Variants in TYW1B observed in about 807,000 individuals in gnomAD.
The protein encoded by TYW1B is tRNA-yW synthesizing protein 1 homolog B.
In TYW1B, 73 loss-of-function variants were observed where a neutral mutation model predicts 86.9. The ratio of observed to expected loss-of-function variants is 0.84; its 90% CI spans 0.70 to 1.02. The LOEUF (loss-of-function observed/expected upper bound fraction) is 1.02. Among genes scored for constraint, TYW1B ranks in the 50% least tolerant of loss-of-function variants. The pLI is 0.00. For missense variants in TYW1B, 637 were observed against 827.4 expected (o/e 0.77, Z 2.82); for synonymous variants, 248 against 292.8 (o/e 0.85, Z 1.56).
At chr7:72,733,209 T>G (rs2960993) in intron 8 of TYW1B, among the ~76,000 whole-genome samples, 28 of 146,000 alleles carry the variant, frequency 1.9e-4, no homozygotes, top group Middle Eastern at 3.7e-3. Flanking sequence ...CCTCTCACAC[T>G]AATACTTTTC....
At chr7:72,800,842 G>A (rs1788392024) in intron 6 of TYW1B, among the ~76,000 whole-genome samples, 1 of 151,808 alleles carries the variant, frequency 6.6e-6, no homozygotes, top group South Asian at 2.1e-4. Context: ...CTAGATCTAG[G>A]AGGCTAGAGG....
intron 10 of TYW1B, among the ~76,000 whole-genome samples, chr7:72,707,547 TAACATG>T (rs1814643391): frequency 6.6e-6 from 1 of 152,246 alleles, no homozygotes. Flanking sequence ...CCAGGCCTAT[TAACATG>T]AAGTGTGTTA....
At chr7:72,582,440 T>C (rs141495643) in intron 13 of TYW1B, among the ~76,000 whole-genome samples, 10 of 152,306 alleles carry the variant, frequency 6.6e-5, no homozygotes, top group African/African-American at 2.4e-4. Context: ...AAAGGGGGAA[T>C]AGTTTCCAGC....
In TYW1B at chr7:72,620,490, G is replaced by T. The variant is rs547139966; in HGVS notation, c.1618-3651C>A. ...TCCTGAGTCAACCGCAAAGCCAGAG[G>T]CTGCACCGTGACAGAAATGCTCTGG... is the stretch of plus-strand genomic sequence containing the variant. On this transcript the variant is annotated intron_variant, in intron 12 of 13. Transcript: ENST00000620995. 2.6e-5 allele frequency among the ~76,000 whole-genome samples: 4 copies of T among 152,244 alleles called. No individual in the cohort carries two copies. In the East Asian group the frequency reaches 7.7e-4, roughly 29 times the overall value.
At chr7:72,670,141 T>C (rs1554446092) in intron 11 of TYW1B, among the ~76,000 whole-genome samples, 3 of 152,086 alleles carry the variant, frequency 2.0e-5, no homozygotes, top group East Asian at 1.9e-4. Flanking sequence ...TAAATAGTAA[T>C]AGCACTGACA....
chr7:72,785,982 G>A (rs1298695947), intron 6 of TYW1B, among the ~76,000 whole-genome samples: 7 of 152,018 alleles, frequency 4.6e-5, no homozygotes, highest in Non-Finnish European at 8.8e-5. Context: ...GCGTGGTGGC[G>A]GGCGCTATAA....
At chr7:72,826,712 CT>C (rs1457973028) in intron 2 of TYW1B, 142 bp downstream of exon 2, 6 of 1,128,802 alleles carry the variant, frequency 5.3e-6, no homozygotes, top group Non-Finnish European at 7.1e-6. Flanking sequence ...TCTCCAAAAA[CT>C]TAGAGAAGAA....
chr7:72,620,737 T>TCTCACC (rs1308513020), intron 12 of TYW1B, among the ~76,000 whole-genome samples: 4 of 152,066 alleles, frequency 2.6e-5, no homozygotes, highest in Admixed American at 1.3e-4. Flanking sequence ...TCTCACCCAC[T>TCTCACC]CTCACCCTCA....
chr7:72,629,808 G>T (rs1436783615), intron 11 of TYW1B, among the ~76,000 whole-genome samples: 1 of 152,032 alleles, frequency 6.6e-6, no homozygotes, highest in South Asian at 2.1e-4. Flanking sequence ...TGAGGCTTCC[G>T]AAGGGCTGGG....
intron 13 of TYW1B, among the ~76,000 whole-genome samples, chr7:72,593,574 G>C (rs1476079305): frequency 2.6e-5 from 4 of 152,056 alleles, no homozygotes; most frequent in African/African-American, 9.7e-5. Context: ...TGTAATCCCA[G>C]CACTTTGGGA....
intron 13 of TYW1B, among the ~76,000 whole-genome samples, chr7:72,603,396 C>T (rs1267800037): frequency 1.3e-5 from 2 of 151,908 alleles, no homozygotes; most frequent in East Asian, 1.9e-4. Flanking sequence ...GATGGATGCA[C>T]AGAAGGATGG....
At chr7:72,697,081 T>C (rs1365528897) in intron 10 of TYW1B, among the ~76,000 whole-genome samples, 3 of 149,644 alleles carry the variant, frequency 2.0e-5, no homozygotes, top group African/African-American at 7.4e-5. Flanking sequence ...TAATGGTTAC[T>C]GCTGGCTATC....
At chr7:72,757,938 G>A (rs1787620283) in intron 7 of TYW1B, among the ~76,000 whole-genome samples, 1 of 152,126 alleles carries the variant, frequency 6.6e-6, no homozygotes, top group Non-Finnish European at 1.5e-5. Flanking sequence ...CTTTATAGCT[G>A]GGTGTAGGCC....
intron 7 of TYW1B, among the ~76,000 whole-genome samples, chr7:72,762,410 A>G (rs1250442134): frequency 6.6e-6 from 1 of 152,010 alleles, no homozygotes; most frequent in Non-Finnish European, 1.5e-5. Context: ...GGCTGGGGTG[A>G]TAACTCTCTC....
chr7:72,724,647 T>A (rs1426623930), intron 9 of TYW1B, among the ~76,000 whole-genome samples: 1 of 152,102 alleles, frequency 6.6e-6, no homozygotes, highest in Non-Finnish European at 1.5e-5. Context: ...TATCAACCAG[T>A]TCCACTCTGA....
intron 9 of TYW1B, among the ~76,000 whole-genome samples, chr7:72,716,260 A>G (rs1257417000): frequency 1.3e-5 from 2 of 152,218 alleles, no homozygotes; most frequent in African/African-American, 4.8e-5. Flanking sequence ...TTTGAAACAT[A>G]ACTTTCTTAG....
At chr7:72,764,519 C>T (rs1787740077) in intron 7 of TYW1B, among the ~76,000 whole-genome samples, 2 of 152,166 alleles carry the variant, frequency 1.3e-5, no homozygotes, top group Non-Finnish European at 2.9e-5. Flanking sequence ...CTAACCTCGT[C>T]ATCCGCCCAC....
chr7:72,789,315 TA>T (rs1389300462), intron 6 of TYW1B, among the ~76,000 whole-genome samples: 4 of 152,016 alleles, frequency 2.6e-5, no homozygotes, highest in African/African-American at 9.7e-5. Flanking sequence ...TATATTTTTT[TA>T]GTAGAGACAG....
chr7:72,574,914 T>G lies in TYW1B; in HGVS notation c.*584A>C. ...CTAGTAGTTTTAGATCCGATGCAATTTTGGGAAGGGTTAGTAATAAACCAA... is the reference window on the plus strand; with the variant it reads ...CTAGTAGTTTTAGATCCGATGCAATGTTGGGAAGGGTTAGTAATAAACCAA... On this transcript the variant is annotated 3_prime_UTR_variant, in exon 14 of 14. Transcript: ENST00000620995. The G allele has an allele frequency of 1.1e-5, 11 of 986,168 alleles. No homozygotes were observed. The highest frequency in any genetic ancestry group is 1.3e-5 in the Non-Finnish European group (11 of 830,484). 61.1% of individuals were successfully genotyped at this position (986,168 alleles called of 1,614,324 possible).
Sources: gnomAD v4.1 joint callset for allele counts (sites outside exome capture counted in the v4.1 genomes callset) on GRCh38, gnomAD v4.1.1 for gene constraint, MANE v1.5 for transcripts, NCBI Gene and HGNC (gene_info 2026-07-23, HGNC 2026-07-21) for gene names.